Variants in OR2L13 observed in about 807,000 individuals in gnomAD.
The protein encoded by OR2L13 is olfactory receptor family 2 subfamily L member 13, also known as olfactory receptor 2L13.
Under a neutral mutation model 15.3 loss-of-function variants are expected in OR2L13, and 14 were observed. The observed-to-expected ratio is 0.91, with a 90% CI of 0.60 to 1.43. OR2L13 has a LOEUF of 1.43. OR2L13 is among the 40% of genes most tolerant of loss of function. The pLI, the probability that OR2L13 is intolerant of heterozygous loss-of-function variation, is 0.00. For synonymous variants in OR2L13, 152 were observed against 142.9 expected (o/e 1.06, Z -0.45); for missense variants, 367 against 387.9 (o/e 0.95, Z 0.45).
chr1:248,071,377 A>T, the OR2L13 span, among the ~76,000 whole-genome samples: 2 of 152,134 alleles, frequency 1.3e-5, no homozygotes, highest in East Asian at 3.9e-4. Context: ...GACAAAAACC[A>T]CATGATTATC....
chr1:248,049,896 A>ATATGTATG, the OR2L13 span, among the ~76,000 whole-genome samples: 1 of 152,176 alleles, frequency 6.6e-6, no homozygotes, highest in African/African-American at 2.4e-5. Context: ...TTATTCACAG[A>ATATGTATG]TATGTATGTA....
the OR2L13 span, among the ~76,000 whole-genome samples, chr1:248,010,828 T>G: frequency 6.7e-6 from 1 of 149,852 alleles, no homozygotes; most frequent in African/African-American, 2.5e-5. Flanking sequence ...ATCCCTTTAT[T>G]TTGAGTCTAT....
chr1:248,046,812 A>G, the OR2L13 span: 3 of 152,194 alleles, frequency 2.0e-5, no homozygotes, highest in Non-Finnish European at 2.9e-5. Flanking sequence ...ATTTGTTTCT[A>G]TGATGACTGT....
At chr1:247,994,356 C>A in the OR2L13 span, among the ~76,000 whole-genome samples, 1 of 152,120 alleles carries the variant, frequency 6.6e-6, no homozygotes, top group African/African-American at 2.4e-5. Flanking sequence ...GATATCGCTC[C>A]ACTGCACTCC....
At chr1:247,993,811 GAAAGA>G in the OR2L13 span, among the ~76,000 whole-genome samples, 1 of 129,676 alleles carries the variant, frequency 7.7e-6, no homozygotes, top group Admixed American at 7.3e-5. Flanking sequence ...GAGAGAGAGA[GAAAGA>G]AAGAGAAAGA....
chr1:248,077,989 A>G, the OR2L13 span, among the ~76,000 whole-genome samples: 3 of 152,242 alleles, frequency 2.0e-5, no homozygotes, highest in East Asian at 5.8e-4. Flanking sequence ...ATTAAGAGGC[A>G]TCTTATCAAA....
the OR2L13 span, among the ~76,000 whole-genome samples, chr1:248,070,044 C>A: frequency 6.6e-6 from 1 of 152,078 alleles, no homozygotes; most frequent in African/African-American, 2.4e-5. Context: ...TAACACCCCA[C>A]TGTCAACATT....
At chr1:248,013,705 C>G in the OR2L13 span, 73 of 152,198 alleles carry the variant, frequency 4.8e-4, no homozygotes, top group African/African-American at 1.6e-3. Context: ...CCAACAAAGG[C>G]AGTGCGTGTT....
chr1:248,076,240 G>A, the OR2L13 span, among the ~76,000 whole-genome samples: 1 of 150,430 alleles, frequency 6.6e-6, no homozygotes, highest in African/African-American at 2.5e-5. Context: ...TGCTGCTTTG[G>A]TTACTGTAGC....
the OR2L13 span, among the ~76,000 whole-genome samples, chr1:248,026,220 C>G: frequency 2.0e-5 from 3 of 152,186 alleles, no homozygotes; most frequent in Non-Finnish European, 2.9e-5. Flanking sequence ...ATTATTCAAA[C>G]TACAACAGTG....
At chr1:247,972,489 C>G in the OR2L13 span, among the ~76,000 whole-genome samples, 5 of 152,306 alleles carry the variant, frequency 3.3e-5, no homozygotes, top group Non-Finnish European at 1.5e-5. Context: ...ATAAACATCT[C>G]TATGCAAATA....
chr1:247,950,247 A>T, the OR2L13 span, among the ~76,000 whole-genome samples: 1 of 152,266 alleles, frequency 6.6e-6, no homozygotes, highest in South Asian at 2.1e-4. Flanking sequence ...TAGACACTTA[A>T]CGTACCAGTT....
the OR2L13 span, chr1:247,975,625 C>A: frequency 7.9e-7 from 1 of 1,265,190 alleles, no homozygotes; most frequent in Non-Finnish European, 1.1e-6. Flanking sequence ...GGCCCTGACA[C>A]GAGTGAGTCA....
chr1:247,993,741 T>A, the OR2L13 span, among the ~76,000 whole-genome samples: 1 of 118,684 alleles, frequency 8.4e-6, no homozygotes, highest in African/African-American at 3.2e-5. Context: ...AGACACTGAA[T>A]GGAAAGAGAC....
At chr1:248,011,645 T>C in the OR2L13 span, among the ~76,000 whole-genome samples, 1 of 152,304 alleles carries the variant, frequency 6.6e-6, no homozygotes, top group East Asian at 1.9e-4. Context: ...GCTATGATCT[T>C]TATAGTAAGA....
chr1:247,970,559 C>G, the OR2L13 span, among the ~76,000 whole-genome samples: 1 of 152,082 alleles, frequency 6.6e-6, no homozygotes, highest in Non-Finnish European at 1.5e-5. Context: ...TCAATAGTAC[C>G]AAGGGACAAG....
chr1:247,962,076 A>G, the OR2L13 span, among the ~76,000 whole-genome samples: 20 of 152,278 alleles, frequency 1.3e-4, no homozygotes, highest in East Asian at 3.7e-3. Context: ...AATGGAGTCC[A>G]ATTTTTTGCT....
chr1:247,957,541 T>A, the OR2L13 span, among the ~76,000 whole-genome samples: 1 of 152,340 alleles, frequency 6.6e-6, no homozygotes, highest in South Asian at 2.1e-4. Context: ...CTTATACCTC[T>A]GGTAAATTCG....
chr1:248,070,412 G>A, the OR2L13 span, among the ~76,000 whole-genome samples: 1 of 151,892 alleles, frequency 6.6e-6, no homozygotes, highest in Non-Finnish European at 1.5e-5. Flanking sequence ...AAATAAAGAT[G>A]TTCTTTGAAA....
Sources: gnomAD v4.1 joint callset for allele counts (sites outside exome capture counted in the v4.1 genomes callset) on GRCh38, gnomAD v4.1.1 for gene constraint, MANE v1.5 for transcripts, NCBI Gene and HGNC (gene_info 2026-07-23, HGNC 2026-07-21) for gene names.